Variants in HUWE1 observed in about 807,000 individuals in gnomAD.
HUWE1 encodes the protein E3 ubiquitin-protein ligase HUWE1.
A neutral mutation model predicts 299.4 loss-of-function variants in HUWE1; 18 were observed. The ratio of observed to expected loss-of-function variants is 0.06; its 90% CI spans 0.04 to 0.09. The LOEUF (loss-of-function observed/expected upper bound fraction) is 0.09, where lower values mean the gene tolerates loss of function less well. HUWE1 is among the 10% of genes least tolerant of loss of function. The pLI, the probability that HUWE1 is intolerant of heterozygous loss-of-function variation, is 1.00. For synonymous variants in HUWE1, 1,317 were observed against 1,286.1 expected (o/e 1.02, Z -0.51); for missense variants, 1,832 against 3,462.3 (o/e 0.53, Z 11.82).
rs1556926205 is a variant in HUWE1, at chrX:53,549,193, A to T, written c.9801T>A (p.Arg3267=). Residue 3267 remains arginine, a synonymous_variant, in exon 67 of 84, where the codon CGT becomes CGA. Transcript: ENST00000262854. ...KSCGSSSHEN[R]PLDLLHKMES... Reference sequence around the variant, plus strand: ...CCATCTTGTGTAGCAGGTCCAGGGGACGGTTCTCATGGCTACTTGACCCAC... The same window carrying T: ...CCATCTTGTGTAGCAGGTCCAGGGGTCGGTTCTCATGGCTACTTGACCCAC... The T allele has an allele frequency of 4.1e-6, 5 of 1,211,794 alleles. No homozygotes were observed. Among genetic ancestry groups the T allele is most frequent in the Admixed American group, 2.2e-5 (1 of 46,061 alleles).
chrX:53,586,406 C>T, intron 39 of HUWE1, 84 bp downstream of exon 39: 1 of 600,435 alleles, frequency 1.7e-6, no homozygotes, highest in Non-Finnish European at 2.8e-6. Flanking sequence ...CTATATTCTT[C>T]ACTACTCTCT....
chrX:53,638,417 G>GT (rs2067359171), intron 7 of HUWE1, among the ~76,000 whole-genome samples: 1 of 112,228 alleles, frequency 8.9e-6, no homozygotes, highest in Admixed American at 9.4e-5. Context: ...TAGTGTTACT[G>GT]TAACATCCTA....
chrX:53,567,073 A>T (rs1485247855), intron 49 of HUWE1, among the ~76,000 whole-genome samples: 1 of 111,829 alleles, frequency 8.9e-6, no homozygotes, highest in East Asian at 2.8e-4. Context: ...TTATTGGTAA[A>T]TTTTTTGGAT....
At chrX:53,626,639 T>C (rs183666664) in intron 17 of HUWE1, among the ~76,000 whole-genome samples, 2 of 112,117 alleles carry the variant, frequency 1.8e-5, no homozygotes, top group Non-Finnish European at 3.8e-5. Context: ...TTTTACTTTA[T>C]ACACTTGAAT....
At chrX:53,602,171 A>G (rs1413108503) in intron 28 of HUWE1, among the ~76,000 whole-genome samples, 1 of 111,782 alleles carries the variant, frequency 8.9e-6, no homozygotes, top group African/African-American at 3.3e-5. Flanking sequence ...AAAAATGTTC[A>G]TTTTTTAAAA....
intron 19 of HUWE1, 140 bp from the exon 20 acceptor site, chrX:53,617,586 T>C (rs2065873807): frequency 1.5e-5 from 7 of 480,472 alleles, no homozygotes; most frequent in Non-Finnish European, 2.6e-5. Context: ...TTAAAGATCC[T>C]AATACTGCTC....
chrX:53,590,739 TCATCTATTCTA>T (rs1381689798), intron 34 of HUWE1, among the ~76,000 whole-genome samples: 1 of 112,461 alleles, frequency 8.9e-6, no homozygotes, highest in Non-Finnish European at 1.9e-5. Context: ...TACAGTGTGA[TCATCTATTCTA>T]CATCTTAGAA....
rs377645670 is a variant in HUWE1, at chrX:53,546,791, C to T, written c.10671G>A (p.Ala3557=). ...SPTTKGSKSP[A]KVSDGGSSST... The stretch of plus-strand genomic sequence containing the variant: ...TGCTGCTGCCCCCATCACTCACCTT[C>T]GCTGGAGATTTGCTGCCCTTAGTAG... The change falls in exon 69 of 84, where the codon GCG becomes GCA. Residue 3557 remains alanine (A), a synonymous_variant. Transcript: ENST00000262854. 5.1e-5 allele frequency: 61 copies of T among 1,207,909 alleles called. No homozygotes were observed. The highest frequency in any genetic ancestry group is 1.9e-4 in the African/African-American group (11 of 57,065).
intron 41 of HUWE1, 113 bp from the exon 42 acceptor site, chrX:53,584,029 C>A (rs1370287763): frequency 7.5e-6 from 6 of 802,413 alleles, no homozygotes; most frequent in African/African-American, 4.1e-5. Context: ...GAGAAGCATG[C>A]CAAATACCAA....
Position 53,549,457 on chromosome X carries a change from G to C in HUWE1, c.9537C>G (p.Leu3179=), listed in dbSNP as rs376592039. The C allele has an allele frequency of 4.1e-6, 5 of 1,209,195 alleles. No homozygotes were observed. The highest frequency in any genetic ancestry group is 5.6e-6 in the Non-Finnish European group (5 of 895,110). ...VDTLLRLRGR[L]LLDHEALSCL... Reference sequence around the variant, plus strand: ...AAGAAAGGGCTTCGTGGTCCAGAAGGAGCCGTCCTCGGAGGCGGAGGAGAG... The same window carrying C: ...AAGAAAGGGCTTCGTGGTCCAGAAGCAGCCGTCCTCGGAGGCGGAGGAGAG... The change falls in exon 67 of 84, where the codon CTC becomes CTG. Residue 3179 remains leucine, a synonymous_variant. Coordinates refer to ENST00000262854, the MANE Select transcript of HUWE1 (RefSeq NM_031407.7).
intron 36 of HUWE1, among the ~76,000 whole-genome samples, chrX:53,588,938 AG>A (rs1478714603): frequency 8.9e-6 from 1 of 112,502 alleles, no homozygotes; most frequent in Admixed American, 9.4e-5. Context: ...TGTTTTATCC[AG>A]TTTTCCTTTA....
rs1556926160 is a variant in HUWE1 at position 53,549,158 on chromosome X, C to T, written c.9836G>A (p.Ser3279Asn). The change falls in exon 67 of 84, where the codon AGC becomes AAC. Residue 3279 changes from serine to asparagine, a missense_variant. Physicochemically the swap from Ser to Asn is conservative, Grantham distance 46 (BLOSUM62 1). This residue lies in a region of HUWE1 where 80 missense variants were observed against 142.1 expected (regional missense o/e 0.56). Transcript: ENST00000262854. ...TGAGAGCCAGGAAAGCTGGTTGGAG[C>T]TCTTTGACTCCATCTTGTGTAGCAG... is the stretch of plus-strand genomic sequence containing the variant. The part of the protein sequence containing the change: ...LDLLHKMESK[S>N]SNQLSWLSVS... The T allele has an allele frequency of 2.5e-6, 3 of 1,210,523 alleles. No homozygotes were observed. The highest frequency in any genetic ancestry group is 3.5e-5 in the African/African-American group (2 of 57,405).
At chrX:53,636,703 C>A (rs1334520985) in intron 7 of HUWE1, among the ~76,000 whole-genome samples, 1 of 112,058 alleles carries the variant, frequency 8.9e-6, no homozygotes, top group Admixed American at 9.4e-5. Context: ...GCCTGGGCAA[C>A]AGAGTGAGAC....
Position 53,611,227 on chromosome X carries a change from G to A in HUWE1, c.2262-2318C>T. Among the ~76,000 whole-genome samples, 2 of 102,338 alleles carry A rather than the reference G, an allele frequency of 2.0e-5. 1 individual carries two copies. Among genetic ancestry groups the A allele is most frequent in the South Asian group, 8.8e-4 (2 of 2,262 alleles). 88.9% of individuals were successfully genotyped at this position (102,338 alleles called of 115,157 possible). A position where few individuals can be genotyped will look rare whatever the true frequency, so the allele number is the denominator to read the frequency against. ...AAAAAAAAGAAAGGGTAGTGTCTAA[G>A]CCTGGAAAAAACTCAGAAACCCAAG... On this transcript the variant is annotated intron_variant, in intron 23 of 83. Coordinates refer to ENST00000262854, the MANE Select transcript of HUWE1 (RefSeq NM_031407.7).
chrX:53,574,057 T>C, intron 46 of HUWE1, 93 bp from the exon 47 acceptor site: 1 of 743,362 alleles, frequency 1.3e-6, no homozygotes, highest in Non-Finnish European at 2.1e-6. Context: ...TCTCCTCCAC[T>C]TTAAGCCACC....
At chrX:53,608,238 T>C (rs1156270361) in intron 24 of HUWE1, among the ~76,000 whole-genome samples, 2 of 111,775 alleles carry the variant, frequency 1.8e-5, no homozygotes, top group Non-Finnish European at 3.8e-5. Flanking sequence ...AAGTGATTAG[T>C]AGGCTGAAAC....
At position 53,539,793 on chromosome X, in the gene HUWE1, C is replaced by A. The variant is rs1556916855; in HGVS notation, c.11496G>T (p.Gln3832His). 4 of 1,210,198 alleles carry A rather than the reference C, an allele frequency of 3.3e-6. No homozygotes were observed. The East Asian group carries it at 8.9e-5, about 27-fold the overall frequency. The change falls in exon 75 of 84, where the codon CAG becomes CAT. Residue 3832 changes from glutamine to histidine, a missense_variant. Coordinates refer to ENST00000262854, the MANE Select transcript of HUWE1 (RefSeq NM_031407.7). ...TQSIASDGTP[Q>H]GEKEKEERPP... is the part of the protein sequence containing the mutation. Reference sequence around the variant, plus strand: ...GTCTTTCTTCCTTTTCCTTCTCCCCCTGTGGGGTTCCATCGGAGGCTGGAG... The same window carrying A: ...GTCTTTCTTCCTTTTCCTTCTCCCCATGTGGGGTTCCATCGGAGGCTGGAG...
At chrX:53,616,348 G>C (rs933787011) in intron 21 of HUWE1, among the ~76,000 whole-genome samples, 7 of 110,907 alleles carry the variant, frequency 6.3e-5, no homozygotes, top group Non-Finnish European at 1.1e-4. Flanking sequence ...CTATTTTAAA[G>C]TAACTATGTG....
intron 3 of HUWE1, among the ~76,000 whole-genome samples, chrX:53,663,481 C>T (rs1361069497): frequency 2.7e-5 from 3 of 110,310 alleles, no homozygotes; most frequent in Non-Finnish European, 3.8e-5. Context: ...CCATTGCACT[C>T]CAGTCTGGGC....
Sources: gnomAD v4.1 joint callset for allele counts (sites outside exome capture counted in the v4.1 genomes callset) on GRCh38, gnomAD v4.1.1 for gene constraint, gnomAD v4.1.1 regional missense constraint, MANE v1.5 for transcripts, NCBI Gene and HGNC (gene_info 2026-07-23, HGNC 2026-07-21) for gene names.